Variants in LDLRAD2 observed in about 807,000 individuals in gnomAD.
The protein encoded by LDLRAD2 is low density lipoprotein receptor class A domain containing 2, also known as low-density lipoprotein receptor class A domain-containing protein 2.
Under a neutral mutation model 24.9 loss-of-function variants are expected in LDLRAD2, and 25 were observed. The observed-to-expected ratio is 1.00, with a 90% CI of 0.73 to 1.40. LDLRAD2 has a LOEUF of 1.40. LDLRAD2 is among the 40% of genes most tolerant of loss of function. LDLRAD2 has a pLI of 0.00. For missense variants in LDLRAD2, 391 were observed against 366.2 expected (o/e 1.07, Z -0.55); for synonymous variants, 182 against 166.7 (o/e 1.09, Z -0.71).
In LDLRAD2 at chr1:21,821,603, C is replaced by T. The variant is rs2097952000; in HGVS notation, c.797C>T (p.Ala266Val). The change falls in exon 4 of 5, where the codon GCT becomes GTT. Residue 266 changes from alanine to valine, a missense_variant. Physicochemically the swap from Ala to Val is moderately conservative, Grantham distance 64. Transcript: ENST00000344642. ...AGRDPTRQDA[A>V]LEGSTE The stretch of plus-strand genomic sequence containing the variant: ...AGGGACCCCACGAGACAAGACGCAG[C>T]TTTGGAAGGTTACACCTTGCTCCTA... The T allele has an allele frequency of 6.2e-7, 1 of 1,613,780 alleles. No homozygotes were observed. The highest frequency in any genetic ancestry group is 8.5e-7 in the Non-Finnish European group (1 of 1,179,912).
At position 21,822,580 on chromosome 1, in the gene LDLRAD2, G is replaced by A. The variant is rs116354301; in HGVS notation, c.*365G>A. ...CTGGGGTGGGCGGGGCCCGGTGGGC[G>A]GGGCCCTATCAGTGCTGGGCTCTGC... On this transcript the variant is annotated 3_prime_UTR_variant, in exon 5 of 5. Transcript: ENST00000344642. The A allele has an allele frequency of 5.1e-3, 1,642 of 319,656 alleles. 23 individuals carry two copies. Among genetic ancestry groups the A allele is most frequent in the African/African-American group, 0.033 (1,536 of 47,246 alleles). The allele number at this position is 319,656 out of a possible 1,614,324, so 19.8% of individuals were successfully genotyped here.
Position 21,824,307 on chromosome 1 carries a change from T to C in LDLRAD2, c.*2092T>C. 1 of 1,613,786 alleles carries C rather than the reference T, an allele frequency of 6.2e-7. No homozygotes were observed. The highest frequency in any genetic ancestry group is 8.5e-7 in the Non-Finnish European group (1 of 1,179,970). Reference sequence around the variant, plus strand: ...GAAGGGCCAGGTGCCAGGACCTACCTGAAGACAAGGTGCCCGTCTTGAAGC... The same window carrying C: ...GAAGGGCCAGGTGCCAGGACCTACCCGAAGACAAGGTGCCCGTCTTGAAGC... On this transcript the variant is annotated 3_prime_UTR_variant, in exon 5 of 5. Transcript: ENST00000344642. The surrounding 1 kb of genome is among the most constrained non-coding windows in gnomAD (Gnocchi z 5.9).
intron 4 of LDLRAD2, 70 bp from the exon 5 acceptor site, chr1:21,822,132 G>A: frequency 3.7e-6 from 6 of 1,613,376 alleles, no homozygotes; most frequent in South Asian, 1.1e-5. Flanking sequence ...GGGGCCTGGG[G>A]GCCTCGCTGA....
Position 21,824,723 on chromosome 1 carries a change from C to T in LDLRAD2, c.*2508C>T, listed in dbSNP as rs2097964487. 6.2e-7 allele frequency: 1 copy of T among 1,613,734 alleles called. No homozygotes were observed. Among genetic ancestry groups the T allele is most frequent in the South Asian group, 1.1e-5 (1 of 91,000 alleles). On this transcript the variant is annotated 3_prime_UTR_variant, in exon 5 of 5. Coordinates refer to ENST00000344642, the MANE Select transcript of LDLRAD2 (RefSeq NM_001013693.3). The surrounding 1 kb of genome is among the most constrained non-coding windows in gnomAD (Gnocchi z 5.9). ...TCTCACCTCCTGGAGAAGACATGGC[C>T]AGGGAAGGCGAGGAAGCCATCATCG...
chr1:21,812,397 C>A lies in LDLRAD2; in HGVS notation c.-55C>A, dbSNP rs1358560460. ...CCCCATACTCCAGTCTCCCCAGAGA[C>A]CCCAAGCTGAAGATTCTGTGGGTCT... On this transcript the variant is annotated 5_prime_UTR_variant, in exon 1 of 5. Transcript: ENST00000344642. The A allele has an allele frequency of 4.1e-6, 6 of 1,459,888 alleles. No individual in the cohort carries two copies. Among genetic ancestry groups the A allele is most frequent in the Non-Finnish European group, 5.8e-6 (6 of 1,042,056 alleles). The allele number at this position is 1,459,888 out of a possible 1,614,324, so 90.4% of individuals were successfully genotyped here.
Position 21,814,555 on chromosome 1 carries a change from C to T in LDLRAD2, c.243C>T (p.Phe81=), listed in dbSNP as rs1230797586. The T allele has an allele frequency of 6.2e-7, 1 of 1,612,482 alleles. No individual in the cohort carries two copies. Among genetic ancestry groups the T allele is most frequent in the Non-Finnish European group, 8.5e-7 (1 of 1,179,558 alleles). Residue 81 remains phenylalanine, a synonymous_variant, in exon 2 of 5, where the codon TTC becomes TTT. Transcript: ENST00000344642. ...AAPGDRIRFQ[F]RFFLVYSLTP... is the part of the protein sequence containing the mutation. Reference sequence around the variant, plus strand: ...CCGGCGACCGGATCCGCTTCCAGTTCCGCTTCTTCCTGGTCTACAGCCTGA... The same window carrying T: ...CCGGCGACCGGATCCGCTTCCAGTTTCGCTTCTTCCTGGTCTACAGCCTGA...
chr1:21,823,722 G>A lies in LDLRAD2; in HGVS notation c.*1507G>A, dbSNP rs1463298429. The A allele has an allele frequency of 6.2e-7, 1 of 1,612,060 alleles. No individual in the cohort carries two copies. Among genetic ancestry groups the A allele is most frequent in the Non-Finnish European group, 8.5e-7 (1 of 1,179,082 alleles). ...GGATGGAACCTCTGCGGCCCTCCCTGCAGTGGAACTGGGTCAGGCCCCTTT... is the reference window on the plus strand; with the variant it reads ...GGATGGAACCTCTGCGGCCCTCCCTACAGTGGAACTGGGTCAGGCCCCTTT... On this transcript the variant is annotated 3_prime_UTR_variant, in exon 5 of 5. Transcript: ENST00000344642.
Position 21,816,051 on chromosome 1 carries a change from C to T in LDLRAD2, c.620C>T (p.Ser207Phe), listed in dbSNP as rs2097943596. ...TGTGGCGATGGCAGTGACCAGGGCT[C>T]CTGGTCACCAGCTGACTGCAGAGGT... ...DNCGDGSDQG[S>F]WSPADCRGPS... Residue 207 changes from serine to phenylalanine, a missense_variant, in exon 3 of 5, where the codon TCC (serine) becomes TTC (phenylalanine). Transcript: ENST00000344642. 3 of 1,613,374 alleles carry T rather than the reference C, an allele frequency of 1.9e-6. No homozygotes were observed. Among genetic ancestry groups the T allele is most frequent in the East Asian group, 2.2e-5 (1 of 44,894 alleles).
intron 3 of LDLRAD2, among the ~76,000 whole-genome samples, chr1:21,816,560 C>T (rs2097944206): frequency 6.6e-6 from 1 of 152,104 alleles, no homozygotes; most frequent in Non-Finnish European, 1.5e-5. Context: ...TCTCTGTAGA[C>T]AGGGGAGTGG....
chr1:21,816,859 G>T (rs920979013), intron 3 of LDLRAD2, among the ~76,000 whole-genome samples: 1 of 152,058 alleles, frequency 6.6e-6, no homozygotes, highest in Admixed American at 6.6e-5. Flanking sequence ...CTCCATCCAG[G>T]CTCATTCCCT....
rs776325146 is a variant in LDLRAD2, at chr1:21,814,458, A to C, written c.146A>C (p.His49Pro). 8 of 1,610,906 alleles carry C rather than the reference A, an allele frequency of 5.0e-6. No individual in the cohort carries two copies. The highest frequency in any genetic ancestry group is 1.3e-5 in the African/African-American group (1 of 74,822). Reference protein sequence around the residue: ...WQGDGLLLRSHAASRRFYFVA... With the variant: ...WQGDGLLLRSPAASRRFYFVA... ...GGGGACGGGCTGCTGCTGCGCTCGC[A>C]CGCCGCATCGCGCAGGTTCTACTTC... is the stretch of plus-strand genomic sequence containing the variant. Residue 49 changes from histidine (H) to proline (P), a missense_variant, in exon 2 of 5, where the codon CAC (histidine) becomes CCC (proline). Transcript: ENST00000344642.
At chr1:21,815,057 G>A (rs1557654645) in intron 2 of LDLRAD2, among the ~76,000 whole-genome samples, 1 of 152,166 alleles carries the variant, frequency 6.6e-6, no homozygotes, top group South Asian at 2.1e-4. Flanking sequence ...TGGCTACCAT[G>A]GATGTGTGCG....
intron 3 of LDLRAD2, among the ~76,000 whole-genome samples, chr1:21,819,758 T>C (rs1201059824): frequency 6.6e-6 from 1 of 152,018 alleles, no homozygotes; most frequent in East Asian, 1.9e-4. Flanking sequence ...TGCGTATTAG[T>C]CCATTCTCGC....
At position 21,812,277 on chromosome 1, in the gene LDLRAD2, A is replaced by C; in HGVS notation, c.-175A>C. On this transcript the variant is annotated 5_prime_UTR_variant, in exon 1 of 5. Coordinates refer to ENST00000344642, the MANE Select transcript of LDLRAD2 (RefSeq NM_001013693.3). The stretch of plus-strand genomic sequence containing the variant: ...CCTGGACACAGTTCTGAACCAAATG[A>C]AGAGGATCTGGAAGGCAAAGCACTA... 1 of 577,000 alleles carries C rather than the reference A, an allele frequency of 1.7e-6. No individual in the cohort carries two copies. The highest frequency in any genetic ancestry group is 3.1e-6 in the Non-Finnish European group (1 of 320,098). The allele number at this position is 577,000 out of a possible 1,614,324, so 35.7% of individuals were successfully genotyped here.
Position 21,812,536 on chromosome 1 carries a change from G to T in LDLRAD2, c.85G>T (p.Ala29Ser). 6.2e-7 allele frequency: 1 copy of T among 1,613,934 alleles called. No homozygotes were observed. The highest frequency in any genetic ancestry group is 1.1e-5 in the South Asian group (1 of 91,018). Residue 29 changes from alanine (A) to serine (S), a missense_variant and splice_region_variant, in exon 1 of 5, where the codon GCC becomes TCC. Coordinates refer to ENST00000344642, the MANE Select transcript of LDLRAD2 (RefSeq NM_001013693.3). ...CCTGACTGCAACTGCTTTGGAGACA[G>T]GTAAGTATCAGGGGGCTTGGTTGGG... is the stretch of plus-strand genomic sequence containing the variant. ...AALTATALETADLAELCGQTW... is the reference protein window; with the variant it reads ...AALTATALETSDLAELCGQTW...
rs1245346025 is a variant in LDLRAD2 at position 21,824,052 on chromosome 1, T to C, written c.*1837T>C. ...AGCTCAATACCTGCCTCTCTGCCCA[T>C]GGTAGGGGGCGTCCTGCCCCACTCC... On this transcript the variant is annotated 3_prime_UTR_variant, in exon 5 of 5. Transcript: ENST00000344642. The surrounding 1 kb of genome is among the most constrained non-coding windows in gnomAD (Gnocchi z 5.9). The C allele has an allele frequency of 5.0e-6, 7 of 1,403,964 alleles. No homozygotes were observed. The highest frequency in any genetic ancestry group is 2.4e-5 in the East Asian group (1 of 42,388). 87.0% of individuals were successfully genotyped at this position (1,403,964 alleles called of 1,614,324 possible).
intron 3 of LDLRAD2, among the ~76,000 whole-genome samples, chr1:21,819,260 C>A (rs2097947574): frequency 6.6e-6 from 1 of 151,934 alleles, no homozygotes; most frequent in African/African-American, 2.4e-5. Flanking sequence ...GTAGTCCCAG[C>A]TACTTGGGAG....
rs573792702 is a variant in LDLRAD2 at position 21,823,403 on chromosome 1, C to T, written c.*1188C>T. ...GTGGGGGCGGGGCGCCGGGTCGGGCCGAGTGCAGCACCAGGTTCTTGACAC... is the reference window on the plus strand; with the variant it reads ...GTGGGGGCGGGGCGCCGGGTCGGGCTGAGTGCAGCACCAGGTTCTTGACAC... On this transcript the variant is annotated 3_prime_UTR_variant, in exon 5 of 5. Transcript: ENST00000344642. 14 of 1,572,708 alleles carry T rather than the reference C, an allele frequency of 8.9e-6. No homozygotes were observed. Among genetic ancestry groups the T allele is most frequent in the South Asian group, 1.1e-5 (1 of 87,360 alleles).
At position 21,823,604 on chromosome 1, in the gene LDLRAD2, C is replaced by T. The variant is rs756949411; in HGVS notation, c.*1389C>T. The T allele has an allele frequency of 2.5e-6, 4 of 1,612,416 alleles. No individual in the cohort carries two copies. Among genetic ancestry groups the T allele is most frequent in the Admixed American group, 1.7e-5 (1 of 60,020 alleles). ...TTCCTGCCCCTGCCCTGAGAAGGAG[C>T]CCCAGACTTACCGATGTAGACGCTG... On this transcript the variant is annotated 3_prime_UTR_variant, in exon 5 of 5. Coordinates refer to ENST00000344642, the MANE Select transcript of LDLRAD2 (RefSeq NM_001013693.3).
Sources: gnomAD v4.1 joint callset for allele counts (sites outside exome capture counted in the v4.1 genomes callset) on GRCh38, gnomAD v4.1.1 for gene constraint, Gnocchi (gnomAD v3.1) non-coding constraint, MANE v1.5 for transcripts, NCBI Gene and HGNC (gene_info 2026-07-23, HGNC 2026-07-21) for gene names.